The following MRPS5 variants were observed in gnomAD, a reference collection of about 807,000 sequenced individuals.
MRPS5 encodes the protein small ribosomal subunit protein uS5m.
A neutral mutation model predicts 51.9 loss-of-function variants in MRPS5; 27 were observed. That is an observed-to-expected ratio of 0.52 (90% CI 0.38 to 0.72). The LOEUF is 0.72. MRPS5 is among the 30% of genes least tolerant of loss of function. The pLI is 0.00. For missense variants in MRPS5, 570 were observed against 545.7 expected (o/e 1.04, Z -0.44); for synonymous variants, 196 against 193.2 (o/e 1.01, Z -0.12).
intron 3 of MRPS5, among the ~76,000 whole-genome samples, chr2:95,114,417 G>A (rs557573630): frequency 3.1e-4 from 47 of 151,720 alleles, no homozygotes; most frequent in Admixed American, 1.4e-3. Context: ...ATAGGCGCCC[G>A]CCACCATGCC....
At chr2:95,114,813 G>A (rs1250103926) in intron 3 of MRPS5, among the ~76,000 whole-genome samples, 3 of 152,072 alleles carry the variant, frequency 2.0e-5, no homozygotes, top group Admixed American at 1.3e-4. Context: ...CAAGAGATAT[G>A]GGCCATGATT....
At chr2:95,088,228 A>G (rs977543513) in intron 11 of MRPS5, among the ~76,000 whole-genome samples, 2 of 152,208 alleles carry the variant, frequency 1.3e-5, no homozygotes, top group African/African-American at 4.8e-5. Flanking sequence ...CTTTTTAGGT[A>G]TGATAATAGT....
chr2:95,115,250 G>A (rs767188777), intron 2 of MRPS5, 47 bp from the exon 3 acceptor site: 14 of 1,424,418 alleles, frequency 9.8e-6, no homozygotes, highest in South Asian at 1.6e-5. Context: ...TCACAGCTGT[G>A]GAAAAACACT....
intron 3 of MRPS5, among the ~76,000 whole-genome samples, chr2:95,113,904 A>G (rs1225277899): frequency 6.6e-6 from 1 of 151,700 alleles, no homozygotes; most frequent in Non-Finnish European, 1.5e-5. Flanking sequence ...GGTGGATCAC[A>G]AGTTCAAGAG....
chr2:95,089,949 G>A (rs1422877979), intron 11 of MRPS5, among the ~76,000 whole-genome samples: 1 of 151,734 alleles, frequency 6.6e-6, no homozygotes, highest in Non-Finnish European at 1.5e-5. Flanking sequence ...AGGCCGAGGC[G>A]GGCGGATCAC....
chr2:95,103,032 G>A (rs1351603019), intron 7 of MRPS5, among the ~76,000 whole-genome samples: 3 of 152,136 alleles, frequency 2.0e-5, no homozygotes, highest in South Asian at 2.1e-4. Flanking sequence ...AAGTCCTAGA[G>A]GAAAATATGG....
chr2:95,094,262 T>A (rs1021758465), intron 10 of MRPS5, among the ~76,000 whole-genome samples: 2 of 152,148 alleles, frequency 1.3e-5, no homozygotes, highest in Admixed American at 1.3e-4. Context: ...ATTTGATTGG[T>A]GTACCTGGAA....
chr2:95,110,079 T>C, intron 3 of MRPS5, 38 bp from the exon 4 acceptor site: 2 of 1,596,686 alleles, frequency 1.3e-6, no homozygotes, highest in Non-Finnish European at 8.5e-7. Flanking sequence ...AATTCTGTAG[T>C]TTTCAAGCAA....
intron 4 of MRPS5, 112 bp downstream of exon 4, chr2:95,109,797 CCATAGAT>C: frequency 8.6e-7 from 1 of 1,163,274 alleles, no homozygotes; most frequent in Non-Finnish European, 1.2e-6. Context: ...AATTCTAAAA[CCATAGAT>C]CGTAGTGCCC....
At chr2:95,104,477 A>G (rs1322147153) in intron 7 of MRPS5, 163 bp downstream of exon 7, 2 of 705,036 alleles carry the variant, frequency 2.8e-6, no homozygotes, top group Non-Finnish European at 2.6e-6. Context: ...CTCTAAGGGA[A>G]GTCATGGACT....
At position 95,108,361 on chromosome 2, in the gene MRPS5, T is replaced by C. The variant is rs767501227; in HGVS notation, c.451A>G (p.Asn151Asp). Residue 151 changes from asparagine (N) to aspartate (D), a missense_variant, in exon 5 of 12, where the codon AAT (asparagine) becomes GAT (aspartate). Physicochemically the swap from Asn to Asp is conservative, Grantham distance 23. Coordinates refer to ENST00000272418, the MANE Select transcript of MRPS5 (RefSeq NM_031902.5). Reference sequence around the variant, plus strand: ...TGGGCAATGGTCTGCACTGCTCCATTTTTCATAAGAGGGACATTCAGTCCG... The same window carrying C: ...TGGGCAATGGTCTGCACTGCTCCATCTTTCATAAGAGGGACATTCAGTCCG... The part of the protein sequence containing the change: ...WPGLNVPLMK[N>D]GAVQTIAQRS... The C allele has an allele frequency of 6.2e-7, 1 of 1,614,146 alleles. No individual in the cohort carries two copies. The highest frequency in any genetic ancestry group is 8.5e-7 in the Non-Finnish European group (1 of 1,180,018).
At chr2:95,095,404 T>G (rs1675595442) in intron 10 of MRPS5, among the ~76,000 whole-genome samples, 1 of 152,154 alleles carries the variant, frequency 6.6e-6, no homozygotes, top group Non-Finnish European at 1.5e-5. Context: ...GAACATACAT[T>G]CTTCTCAGCA....
rs1462730368 is a variant in MRPS5 at position 95,086,579 on chromosome 2, A to T, written c.*778T>A. Among the ~76,000 whole-genome samples, 1 of 152,212 alleles carries T rather than the reference A, an allele frequency of 6.6e-6. No individual in the cohort carries two copies. Among genetic ancestry groups the T allele is most frequent in the Non-Finnish European group, 1.5e-5 (1 of 68,042 alleles). On this transcript the variant is annotated 3_prime_UTR_variant, in exon 12 of 12. Coordinates refer to ENST00000272418, the MANE Select transcript of MRPS5 (RefSeq NM_031902.5). Reference sequence around the variant, plus strand: ...TAGTAAAAGATTCAACATTTTGGTCATCAGTGTCCCAGAAAGAGGATGTGG... The same window carrying T: ...TAGTAAAAGATTCAACATTTTGGTCTTCAGTGTCCCAGAAAGAGGATGTGG...
At position 95,086,697 on chromosome 2, in the gene MRPS5, A is replaced by T. The variant is rs1405696229; in HGVS notation, c.*660T>A. On this transcript the variant is annotated 3_prime_UTR_variant, in exon 12 of 12. Transcript: ENST00000272418. ...TAAAGCATGTATGATAGGGGGGCTT[A>T]TATCTAGAAACTATAAGGAACTCAA... Among the ~76,000 whole-genome samples, 1 of 152,212 alleles carries T rather than the reference A, an allele frequency of 6.6e-6. No homozygotes were observed. The highest frequency in any genetic ancestry group is 1.5e-5 in the Non-Finnish European group (1 of 68,036).
At chr2:95,105,041 A>C (rs1419700061) in intron 6 of MRPS5, among the ~76,000 whole-genome samples, 1 of 152,222 alleles carries the variant, frequency 6.6e-6, no homozygotes, top group African/African-American at 2.4e-5. Context: ...TATTACAAGA[A>C]AGAAAAAAGT....
intron 1 of MRPS5, among the ~76,000 whole-genome samples, chr2:95,120,895 G>A (rs1429617648): frequency 1.3e-5 from 2 of 152,146 alleles, no homozygotes; most frequent in African/African-American, 4.8e-5. Flanking sequence ...TGAGGCGGGT[G>A]GATCACGAGG....
rs1573320083 is a variant in MRPS5 at position 95,087,328 on chromosome 2, C to A, written c.*29G>T. The stretch of plus-strand genomic sequence containing the variant: ...AGTCTCTCCTAGGTGCAGGGCAGCA[C>A]AGGAACTGGCTGCACAAGGCCAGAG... On this transcript the variant is annotated 3_prime_UTR_variant, in exon 12 of 12. Coordinates refer to ENST00000272418, the MANE Select transcript of MRPS5 (RefSeq NM_031902.5). 2 of 1,579,836 alleles carry A rather than the reference C, an allele frequency of 1.3e-6. No homozygotes were observed. Among genetic ancestry groups the A allele is most frequent in the Non-Finnish European group, 1.7e-6 (2 of 1,149,180 alleles).
chr2:95,106,647 A>C, intron 5 of MRPS5, 190 bp from the exon 6 acceptor site: 1 of 603,154 alleles, frequency 1.7e-6, no homozygotes, highest in Non-Finnish European at 3.0e-6. Context: ...AAGTTCATAA[A>C]CTCAGTCACT....
At chr2:95,091,139 G>A (rs1181324628) in intron 10 of MRPS5, 1 of 153,240 alleles carries the variant, frequency 6.5e-6, no homozygotes, top group Admixed American at 6.5e-5. Context: ...CACTGTTCTC[G>A]AGATTAATAT....
Sources: allele counts gnomAD v4.1 joint callset (sites outside exome capture counted in the v4.1 genomes callset), GRCh38; gene constraint gnomAD v4.1.1; transcripts MANE v1.5; gene names NCBI Gene and HGNC (gene_info 2026-07-23, HGNC 2026-07-21).